The following SLC41A2 variants were observed in gnomAD, a reference collection of about 807,000 sequenced individuals.
SLC41A2 encodes the protein solute carrier family 41 member 2.
Under a neutral mutation model 58.3 loss-of-function variants are expected in SLC41A2, and 32 were observed. The observed-to-expected ratio is 0.55, with a 90% CI of 0.41 to 0.74. The LOEUF (loss-of-function observed/expected upper bound fraction) is 0.74, where lower values mean the gene tolerates loss of function less well. Ranked by LOEUF, SLC41A2 falls within the 30% of genes least tolerant of loss-of-function variation. The pLI is 0.00. For missense variants in SLC41A2, 514 were observed against 680.6 expected, an observed-to-expected ratio of 0.76 and a Z score of 2.72; for synonymous variants, 190 against 235.0, an observed-to-expected ratio of 0.81 and a Z score of 1.75.
At chr12:104,952,978 T>C (rs565359586) in intron 1 of SLC41A2, among the ~76,000 whole-genome samples, 71 of 152,340 alleles carry the variant, frequency 4.7e-4, no homozygotes, top group African/African-American at 1.7e-3. Context: ...ACTCTACACT[T>C]AACCAATGCT....
Position 104,854,291 on chromosome 12 carries a change from T to C in SLC41A2, c.1255+7000A>G, listed in dbSNP as rs1305072280. ...ATTGAAAAACACCGCCGGCTGGGCG[T>C]GGTGGCTCACGCCTGTAATCCCAGC... is the stretch of plus-strand genomic sequence containing the variant. On this transcript the variant is annotated intron_variant, in intron 8 of 10. Coordinates refer to ENST00000258538, the MANE Select transcript of SLC41A2 (RefSeq NM_001352171.3). Among the ~76,000 whole-genome samples, 10 of 150,778 alleles carry C rather than the reference T, an allele frequency of 6.6e-5. No homozygotes were observed. The South Asian group carries it at 1.1e-3, about 16-fold the overall frequency.
chr12:104,913,520 G>T (rs2046174931), intron 2 of SLC41A2, among the ~76,000 whole-genome samples: 1 of 152,008 alleles, frequency 6.6e-6, no homozygotes, highest in Non-Finnish European at 1.5e-5. Flanking sequence ...CTCATGAAGG[G>T]GTATGAAGTT....
At chr12:104,880,906 G>T (rs1169597283) in intron 6 of SLC41A2, among the ~76,000 whole-genome samples, 1 of 152,138 alleles carries the variant, frequency 6.6e-6, no homozygotes, top group Non-Finnish European at 1.5e-5. Context: ...GCTCCTCTCT[G>T]TACCTCTGGT....
In SLC41A2 at chr12:104,889,050, A is replaced by C. The variant is rs1207462228; in HGVS notation, c.863T>G (p.Ile288Ser). 2.5e-6 allele frequency: 4 copies of C among 1,593,136 alleles called. No individual in the cohort carries two copies. The highest frequency in any genetic ancestry group is 2.6e-6 in the Non-Finnish European group (3 of 1,175,022). Residue 288 changes from isoleucine to serine, a missense_variant, in exon 5 of 11, where the codon ATT becomes AGT. This residue lies in a region of SLC41A2 where 336 missense variants were observed against 430.0 expected (regional missense o/e 0.78). Transcript: ENST00000258538. ...LCSSSVATAF[I>S]ASLLQGIIMV... ...TCACTTACCCTGCAGAAGAGATGCAATGAAGGCAGTTGCCACACTGCTAGA... is the reference window on the plus strand; with the variant it reads ...TCACTTACCCTGCAGAAGAGATGCACTGAAGGCAGTTGCCACACTGCTAGA...
chr12:104,808,963 C>T (rs899817598), intron 10 of SLC41A2, among the ~76,000 whole-genome samples: 2 of 152,128 alleles, frequency 1.3e-5, no homozygotes, highest in African/African-American at 4.8e-5. Flanking sequence ...GGATAATGTT[C>T]ATGGTTTTGG....
In SLC41A2 at chr12:104,831,739, C is replaced by T. The variant is rs115901229; in HGVS notation, c.1536+12733G>A. Reference sequence around the variant, plus strand: ...CCCTATTACCCATACAAAATACACTCAATATATCTAATTTAATGAATACTT... The same window carrying T: ...CCCTATTACCCATACAAAATACACTTAATATATCTAATTTAATGAATACTT... On this transcript the variant is annotated intron_variant, in intron 10 of 10. Coordinates refer to ENST00000258538, the MANE Select transcript of SLC41A2 (RefSeq NM_001352171.3). 4.3e-3 allele frequency among the ~76,000 whole-genome samples: 659 copies of T among 152,184 alleles called. 4 individuals carry two copies. Among genetic ancestry groups the T allele is most frequent in the African/African-American group, 0.015 (638 of 41,520 alleles).
intron 5 of SLC41A2, among the ~76,000 whole-genome samples, chr12:104,888,519 CCTTCTGGCTCTTTA>C (rs2044783549): frequency 1.3e-5 from 2 of 152,152 alleles, no homozygotes; most frequent in South Asian, 4.1e-4. Context: ...ATTTTTAAAA[CCTTCTGGCTCTTTA>C]AATTCTATAG....
intron 6 of SLC41A2, among the ~76,000 whole-genome samples, chr12:104,877,556 A>G (rs997542212): frequency 2.0e-5 from 3 of 152,324 alleles, no homozygotes; most frequent in Middle Eastern, 3.4e-3. Flanking sequence ...CTGTGATAGT[A>G]ACATTCCATT....
chr12:104,846,758 C>T (rs74980853), intron 8 of SLC41A2, among the ~76,000 whole-genome samples: 3,636 of 152,174 alleles, frequency 0.024, 87 homozygotes, highest in East Asian at 0.094. Flanking sequence ...ACAGGGTAGC[C>T]GGAGCATGCC....
rs1218287086 is a variant in SLC41A2, at chr12:104,941,231, C to T, written c.-167-12537G>A. Among the ~76,000 whole-genome samples the T allele has an allele frequency of 2.0e-5, 3 of 152,136 alleles. No individual in the cohort carries two copies. In the East Asian group the frequency reaches 5.8e-4, roughly 29 times the overall value. On this transcript the variant is annotated intron_variant, in intron 1 of 10. Coordinates refer to ENST00000258538, the MANE Select transcript of SLC41A2 (RefSeq NM_001352171.3). ...AGACACAATTTTGCTACTGATACCC[C>T]AGAGCTAGCTGATTCCATAAAACAA...
At chr12:104,861,210 C>G in intron 8 of SLC41A2, 81 bp downstream of exon 8, 4 of 997,024 alleles carry the variant, frequency 4.0e-6, no homozygotes, top group Non-Finnish European at 6.0e-6. Flanking sequence ...TGAATCTGAG[C>G]CCTAAGACTT....
intron 5 of SLC41A2, among the ~76,000 whole-genome samples, chr12:104,887,590 G>T (rs1481420847): frequency 6.6e-6 from 1 of 151,780 alleles, no homozygotes; most frequent in Non-Finnish European, 1.5e-5. Flanking sequence ...AATACATTAT[G>T]CAATAATCAG....
intron 6 of SLC41A2, among the ~76,000 whole-genome samples, chr12:104,873,741 C>T (rs944159759): frequency 5.3e-5 from 8 of 152,192 alleles, no homozygotes; most frequent in Admixed American, 2.0e-4. Context: ...GAAATGATAT[C>T]TCATTTCAGT....
At chr12:104,806,916 G>C (rs999273799) in intron 10 of SLC41A2, among the ~76,000 whole-genome samples, 1 of 151,890 alleles carries the variant, frequency 6.6e-6, no homozygotes, top group Non-Finnish European at 1.5e-5. Context: ...GGGGTTGTTT[G>C]TTTTTTTCTT....
At chr12:104,887,224 A>G (rs968731279) in intron 5 of SLC41A2, among the ~76,000 whole-genome samples, 1 of 152,012 alleles carries the variant, frequency 6.6e-6, no homozygotes, top group Non-Finnish European at 1.5e-5. Flanking sequence ...CCACAAATCA[A>G]TATGAAAGCC....
chr12:104,937,992 G>A (rs77233732), intron 1 of SLC41A2, among the ~76,000 whole-genome samples: 244 of 152,268 alleles, frequency 1.6e-3, no homozygotes, highest in African/African-American at 5.4e-3. Context: ...AAAACTGAGA[G>A]GCATGTGCCC....
chr12:104,812,362 T>C (rs149434221), intron 10 of SLC41A2, among the ~76,000 whole-genome samples: 2 of 152,324 alleles, frequency 1.3e-5, no homozygotes, highest in African/African-American at 4.8e-5. Context: ...TTAAAAAATT[T>C]GCTATGATTT....
intron 1 of SLC41A2, among the ~76,000 whole-genome samples, chr12:104,945,969 A>G (rs966605854): frequency 6.6e-6 from 1 of 152,272 alleles, no homozygotes; most frequent in Non-Finnish European, 1.5e-5. Flanking sequence ...CAAAATGAAA[A>G]TAACGCCAAA....
chr12:104,848,045 C>A (rs1213489687), intron 8 of SLC41A2, among the ~76,000 whole-genome samples: 2 of 152,180 alleles, frequency 1.3e-5, no homozygotes, highest in Non-Finnish European at 2.9e-5. Context: ...GAATACATTT[C>A]ACACATGCAC....
Sources: gnomAD v4.1 joint callset for allele counts (sites outside exome capture counted in the v4.1 genomes callset) on GRCh38, gnomAD v4.1.1 for gene constraint, gnomAD v4.1.1 regional missense constraint, MANE v1.5 for transcripts, NCBI Gene and HGNC (gene_info 2026-07-23, HGNC 2026-07-21) for gene names.